ZMYM4: variants seen among roughly 807,000 people sequenced by gnomAD.
ZMYM4 encodes the protein zinc finger MYM-type protein 4.
In ZMYM4, 31 loss-of-function variants were observed where a neutral mutation model predicts 183.2. The ratio of observed to expected loss-of-function variants is 0.17; its 90% CI spans 0.13 to 0.23. The LOEUF is 0.23. Among genes scored for constraint, ZMYM4 ranks in the 10% least tolerant of loss-of-function variants. The pLI is 1.00. For missense variants in ZMYM4, 1,273 were observed against 1,840.3 expected (o/e 0.69, Z 5.64); for synonymous variants, 592 against 631.2 (o/e 0.94, Z 0.93).
chr1:35,387,318 G>GAAAATAAATAATGTAA, intron 12 of ZMYM4, 40 bp downstream of exon 12: 1 of 1,597,522 alleles, frequency 6.3e-7, no homozygotes, highest in Non-Finnish European at 8.5e-7. Context: ...TTGAGTATAC[G>GAAAATAAATAATGTAA]TGGGTCTATT....
rs1277262342 is a variant in ZMYM4 at position 35,421,957 on chromosome 1, T to G, written c.*2280T>G. ...TATTTGTATTTGATGGGTGAGTTCT[T>G]CTTCTTTACGTCTTAAAAGAATTTG... On this transcript the variant is annotated 3_prime_UTR_variant, in exon 30 of 30. Coordinates refer to ENST00000314607, the MANE Select transcript of ZMYM4 (RefSeq NM_005095.3). 2.0e-5 allele frequency: 3 copies of G among 152,168 alleles called. No individual in the cohort carries two copies. The highest frequency in any genetic ancestry group is 4.8e-5 in the African/African-American group (2 of 41,432). The allele number at this position is 152,168 out of a possible 1,614,324, so 9.4% of individuals were successfully genotyped here.
chr1:35,282,111 GTATT>G (rs1056439275), intron 1 of ZMYM4, among the ~76,000 whole-genome samples: 1 of 152,204 alleles, frequency 6.6e-6, no homozygotes, highest in African/African-American at 2.4e-5. Context: ...TGGTATGTAA[GTATT>G]TGTTTGAGTC....
intron 7 of ZMYM4, among the ~76,000 whole-genome samples, chr1:35,377,263 ACTCACTAAATATCCTT>A (rs1020899520): frequency 2.0e-5 from 3 of 152,152 alleles, no homozygotes; most frequent in Non-Finnish European, 4.4e-5. Flanking sequence ...CAATGTAACT[ACTCACTAAATATCCTT>A]CTCACTAAAT....
intron 26 of ZMYM4, among the ~76,000 whole-genome samples, chr1:35,409,063 T>C (rs1226444169): frequency 6.6e-6 from 1 of 152,230 alleles, no homozygotes; most frequent in Non-Finnish European, 1.5e-5. Context: ...TTTCTTTCCC[T>C]TAGCATTATG....
chr1:35,287,755 G>A (rs61103006), intron 1 of ZMYM4, among the ~76,000 whole-genome samples: 9,678 of 152,042 alleles, frequency 0.064, 925 homozygotes, highest in East Asian at 0.44. Context: ...ACAGGCATGC[G>A]CCACCATGCC....
At chr1:35,378,269 T>G (rs12071156) in intron 7 of ZMYM4, among the ~76,000 whole-genome samples, 9,917 of 152,282 alleles carry the variant, frequency 0.065, 936 homozygotes, top group East Asian at 0.44. Flanking sequence ...CTCCTATTAA[T>G]GATGATATTT....
chr1:35,272,361 C>T (rs1639651016), intron 1 of ZMYM4, among the ~76,000 whole-genome samples: 1 of 152,200 alleles, frequency 6.6e-6, no homozygotes, highest in Non-Finnish European at 1.5e-5. Flanking sequence ...ACATGCTAGG[C>T]ATTGTGCTTT....
At chr1:35,271,881 T>C (rs945056605) in intron 1 of ZMYM4, among the ~76,000 whole-genome samples, 1 of 152,130 alleles carries the variant, frequency 6.6e-6, no homozygotes, top group Non-Finnish European at 1.5e-5. Flanking sequence ...GAGCATTGCT[T>C]GAGCCCAGGA....
chr1:35,364,830 G>T (rs891577976), intron 5 of ZMYM4, among the ~76,000 whole-genome samples: 1 of 151,952 alleles, frequency 6.6e-6, no homozygotes, highest in South Asian at 2.1e-4. Flanking sequence ...ATTCATTTTG[G>T]TCCTAATTTC....
intron 1 of ZMYM4, among the ~76,000 whole-genome samples, chr1:35,271,234 G>T (rs749679210): frequency 6.6e-6 from 1 of 151,996 alleles, no homozygotes; most frequent in Non-Finnish European, 1.5e-5. Context: ...GGATGTTCTA[G>T]GATATTCTAG....
rs1172686210 is a variant in ZMYM4 at position 35,408,209 on chromosome 1, G to GA, written c.3948+52dup. The GA allele has an allele frequency of 2.1e-5, 34 of 1,600,964 alleles. No homozygotes were observed. In the East Asian group the frequency reaches 7.2e-4, roughly 34 times the overall value. ...TTCAACCTAGCAAATCCATTGACCAGAATATGTCCCCACAGAAATTACATG... is the reference window on the plus strand; with the variant it reads ...TTCAACCTAGCAAATCCATTGACCAGAAATATGTCCCCACAGAAATTACATG... On this transcript the variant is annotated intron_variant, in intron 26 of 29. Coordinates refer to ENST00000314607, the MANE Select transcript of ZMYM4 (RefSeq NM_005095.3).
chr1:35,411,483 T>C (rs1019954658), intron 26 of ZMYM4, among the ~76,000 whole-genome samples: 4 of 152,176 alleles, frequency 2.6e-5, no homozygotes, highest in Admixed American at 2.0e-4. Context: ...GATGGCTATT[T>C]TTAGGGCAGT....
chr1:35,353,998 A>G (rs1007465029), intron 2 of ZMYM4, among the ~76,000 whole-genome samples: 25 of 152,006 alleles, frequency 1.6e-4, no homozygotes, highest in African/African-American at 5.8e-4. Flanking sequence ...ATTAAAAAAA[A>G]ATTAGCTGGA....
At chr1:35,277,985 A>T (rs578147126) in intron 1 of ZMYM4, among the ~76,000 whole-genome samples, 10 of 152,346 alleles carry the variant, frequency 6.6e-5, no homozygotes, top group African/African-American at 2.4e-4. Flanking sequence ...AAACTGCTAC[A>T]TACTTGGTAG....
At chr1:35,291,594 C>T (rs1403345583) in intron 1 of ZMYM4, among the ~76,000 whole-genome samples, 2 of 149,658 alleles carry the variant, frequency 1.3e-5, no homozygotes, top group Non-Finnish European at 3.0e-5. Context: ...CCAGACATAG[C>T]TACAGTTATT....
chr1:35,274,506 A>AT (rs1207186622), intron 1 of ZMYM4, among the ~76,000 whole-genome samples: 8 of 150,950 alleles, frequency 5.3e-5, no homozygotes, highest in Non-Finnish European at 1.2e-4. Context: ...AGGTGGGAGG[A>AT]TTGCTTGGAG....
intron 6 of ZMYM4, 125 bp from the exon 7 acceptor site, chr1:35,370,247 T>A: frequency 4.1e-6 from 6 of 1,452,042 alleles, no homozygotes; most frequent in Non-Finnish European, 5.5e-6. Context: ...TATTGCATAA[T>A]TACTGTTGGG....
chr1:35,413,977 G>C lies in ZMYM4; in HGVS notation c.3954G>C (p.Leu1318=), dbSNP rs1378915038. The change falls in exon 27 of 30, where the codon CTG becomes CTC. Residue 1318 remains leucine, a synonymous_variant. Coordinates refer to ENST00000314607, the MANE Select transcript of ZMYM4 (RefSeq NM_005095.3). ...LYLCLGIQQY[L]FENGRIDNIF... ...TTCTTTTTTTTTTCTTGTAGTACCTGTTTGAAAATGGTAGAATAGATAACA... is the reference window on the plus strand; with the variant it reads ...TTCTTTTTTTTTTCTTGTAGTACCTCTTTGAAAATGGTAGAATAGATAACA... 2 of 1,505,666 alleles carry C rather than the reference G, an allele frequency of 1.3e-6. No homozygotes were observed. Among genetic ancestry groups the C allele is most frequent in the African/African-American group, 2.9e-5 (2 of 70,096 alleles). 93.3% of individuals were successfully genotyped at this position (1,505,666 alleles called of 1,614,324 possible).
At chr1:35,405,658 G>A (rs115901903) in intron 25 of ZMYM4, among the ~76,000 whole-genome samples, 190 bp downstream of exon 25, 54 of 152,144 alleles carry the variant, frequency 3.5e-4, no homozygotes, top group African/African-American at 1.2e-3. Context: ...AGTTTATTAT[G>A]CAAATATACA....
Sources: allele counts gnomAD v4.1 joint callset (sites outside exome capture counted in the v4.1 genomes callset), GRCh38; gene constraint gnomAD v4.1.1; transcripts MANE v1.5; gene names NCBI Gene and HGNC (gene_info 2026-07-23, HGNC 2026-07-21).